CRACR2A: variants seen among roughly 807,000 people sequenced by gnomAD.
CRACR2A encodes the protein EF-hand calcium-binding domain-containing protein 4B.
CRACR2A carries 79 observed loss-of-function variants against 90.5 expected under a neutral mutation model. The ratio of observed to expected loss-of-function variants is 0.87; its 90% confidence interval spans 0.73 to 1.05. CRACR2A has a LOEUF of 1.05. CRACR2A is among the 50% of genes least tolerant of loss of function. The pLI is 0.00. For synonymous variants in CRACR2A, 338 were observed against 356.7 expected (o/e 0.95, Z 0.59); for missense variants, 823 against 897.2 (o/e 0.92, Z 1.06).
chr12:3,678,914 C>A lies in CRACR2A; in HGVS notation c.524+1G>T. 6.2e-7 allele frequency: 1 copy of A among 1,601,574 alleles called. No homozygotes were observed. The highest frequency in any genetic ancestry group is 1.1e-5 in the South Asian group (1 of 87,926). ...TTCTACAAATCACTGTCACCACTTA[C>A]TCTTCCAACACCTTTTGGGCTCCAA... On this transcript the variant is annotated splice_donor_variant, in intron 6 of 19. Coordinates refer to ENST00000440314, the MANE Select transcript of CRACR2A (RefSeq NM_001144958.2). LOFTEE classifies it high-confidence loss of function.
chr12:3,666,356 C>CGT (rs780697994), intron 7 of CRACR2A, among the ~76,000 whole-genome samples: 243 of 144,800 alleles, frequency 1.7e-3, no homozygotes, highest in African/African-American at 5.2e-3. Context: ...TGTGTGTGTG[C>CGT]GTGCGTGTGC....
intron 13 of CRACR2A, among the ~76,000 whole-genome samples, chr12:3,639,981 T>G (rs964908315): frequency 6.6e-6 from 1 of 152,194 alleles, no homozygotes; most frequent in African/African-American, 2.4e-5. Context: ...TATGTACACA[T>G]GAGCAACTAC....
At chr12:3,631,609 C>T (rs1049143345) in intron 15 of CRACR2A, among the ~76,000 whole-genome samples, 1 of 152,240 alleles carries the variant, frequency 6.6e-6, no homozygotes, top group Non-Finnish European at 1.5e-5. Flanking sequence ...GCTTGGTTTG[C>T]AGGCTCTGCA....
chr12:3,719,949 C>A (rs537150866), intron 2 of CRACR2A, among the ~76,000 whole-genome samples: 1 of 151,976 alleles, frequency 6.6e-6, no homozygotes, highest in South Asian at 2.1e-4. Flanking sequence ...GAAACCCCAT[C>A]TCTACTAAAA....
chr12:3,642,962 C>A lies in CRACR2A; in HGVS notation c.1165-1124G>T, dbSNP rs556271550. 2.6e-5 allele frequency among the ~76,000 whole-genome samples: 4 copies of A among 152,332 alleles called. No individual in the cohort carries two copies. The East Asian group carries it at 7.7e-4, about 29-fold the overall frequency. On this transcript the variant is annotated intron_variant, in intron 12 of 19. Transcript: ENST00000440314. ...GCTGATTCTAAATCAATCTTCAATTCTTATTGAATTTATCCCTTTCTTTGA... is the reference window on the plus strand; with the variant it reads ...GCTGATTCTAAATCAATCTTCAATTATTATTGAATTTATCCCTTTCTTTGA...
At chr12:3,619,869 A>G (rs1944100428) in intron 17 of CRACR2A, among the ~76,000 whole-genome samples, 2 of 152,254 alleles carry the variant, frequency 1.3e-5, no homozygotes, top group South Asian at 4.1e-4. Context: ...CTGATTGCAC[A>G]TAAGCTTCTG....
At chr12:3,655,773 G>T (rs986621792) in intron 9 of CRACR2A, among the ~76,000 whole-genome samples, 1 of 152,184 alleles carries the variant, frequency 6.6e-6, no homozygotes, top group Non-Finnish European at 1.5e-5. Flanking sequence ...AGGAGTGTCT[G>T]GTGTCTGCAT....
intron 4 of CRACR2A, among the ~76,000 whole-genome samples, chr12:3,694,087 C>G (rs1414318325): frequency 6.6e-6 from 1 of 152,122 alleles, no homozygotes; most frequent in Non-Finnish European, 1.5e-5. Context: ...ATGCAGGATT[C>G]CCAGCTTCCT....
At chr12:3,705,282 C>A (rs1303236221) in intron 3 of CRACR2A, among the ~76,000 whole-genome samples, 2 of 152,210 alleles carry the variant, frequency 1.3e-5, no homozygotes, top group East Asian at 3.8e-4. Flanking sequence ...TGGGAATTAT[C>A]CAGTCCTTAA....
chr12:3,742,914 C>A (rs538412589), intron 1 of CRACR2A, among the ~76,000 whole-genome samples: 1 of 152,350 alleles, frequency 6.6e-6, no homozygotes, highest in South Asian at 2.1e-4. Flanking sequence ...GCTCTCTCTG[C>A]GCTTGTGTCT....
intron 3 of CRACR2A, among the ~76,000 whole-genome samples, chr12:3,698,304 T>C (rs1723541322): frequency 6.6e-6 from 1 of 152,210 alleles, no homozygotes; most frequent in Admixed American, 6.5e-5. Context: ...CTGGAGAATG[T>C]GATGCTCTGG....
intron 2 of CRACR2A, among the ~76,000 whole-genome samples, chr12:3,714,800 T>G (rs1946058865): frequency 6.6e-6 from 1 of 152,262 alleles, no homozygotes; most frequent in Non-Finnish European, 1.5e-5. Context: ...CTTAGGGTGA[T>G]GAACAACATC....
At chr12:3,733,988 T>TTTTTTTTTTTTA (rs10650778) in intron 1 of CRACR2A, among the ~76,000 whole-genome samples, 1 of 148,310 alleles carries the variant, frequency 6.7e-6, no homozygotes, top group Non-Finnish European at 1.5e-5. Context: ...TTTTTTTTTT[T>TTTTTTTTTTTTA]GAGATGGAGT....
At chr12:3,695,056 C>T (rs148576368) in intron 4 of CRACR2A, among the ~76,000 whole-genome samples, 1 of 152,296 alleles carries the variant, frequency 6.6e-6, no homozygotes, top group African/African-American at 2.4e-5. Context: ...TCCATGCCTC[C>T]TCATCCCTTC....
intron 2 of CRACR2A, among the ~76,000 whole-genome samples, chr12:3,718,277 G>A (rs900385376): frequency 2.6e-5 from 4 of 152,178 alleles, no homozygotes; most frequent in Non-Finnish European, 5.9e-5. Context: ...CAGGACCCAG[G>A]GGCGTGGGCA....
At chr12:3,698,796 G>C (rs1025257091) in intron 3 of CRACR2A, among the ~76,000 whole-genome samples, 2 of 152,172 alleles carry the variant, frequency 1.3e-5, no homozygotes, top group Non-Finnish European at 2.9e-5. Context: ...TGTTCAGCCC[G>C]CCTGCATGAA....
rs766928677 is a variant in CRACR2A, at chr12:3,619,421, C to G, written c.1933-49G>C. 1.8e-5 allele frequency: 27 copies of G among 1,466,826 alleles called. No homozygotes were observed. The African/African-American group carries it at 3.2e-4, about 18-fold the overall frequency. The allele number at this position is 1,466,826 out of a possible 1,614,324, so 90.9% of individuals were successfully genotyped here. A position where few individuals can be genotyped will look rare whatever the true frequency, so the allele number is the denominator to read the frequency against. On this transcript the variant is annotated intron_variant, in intron 17 of 19. Coordinates refer to ENST00000440314, the MANE Select transcript of CRACR2A (RefSeq NM_001144958.2). Reference sequence around the variant, plus strand: ...ACTGAGAGGGGTGTCATAGGATTGCCCAGAGGGCAGGCTAACAATGCCGGC... The same window carrying G: ...ACTGAGAGGGGTGTCATAGGATTGCGCAGAGGGCAGGCTAACAATGCCGGC...
chr12:3,677,120 C>T (rs1484790972), intron 6 of CRACR2A, among the ~76,000 whole-genome samples: 1 of 152,034 alleles, frequency 6.6e-6, no homozygotes, highest in Non-Finnish European at 1.5e-5. Flanking sequence ...GGCCACCCCT[C>T]CTGGGAGGAT....
chr12:3,671,710 C>T (rs1353207770), intron 7 of CRACR2A, among the ~76,000 whole-genome samples: 1 of 152,186 alleles, frequency 6.6e-6, no homozygotes, highest in African/African-American at 2.4e-5. Flanking sequence ...CTCAAACTCT[C>T]CACTTCAGCC....
Sources: gnomAD v4.1 joint callset for allele counts (sites outside exome capture counted in the v4.1 genomes callset) on GRCh38, gnomAD v4.1.1 for gene constraint, MANE v1.5 for transcripts, NCBI Gene and HGNC (gene_info 2026-07-23, HGNC 2026-07-21) for gene names.